The following MDFIC variants were observed in gnomAD, a reference collection of about 807,000 sequenced individuals.
MDFIC encodes MyoD family inhibitor domain containing, also known as myoD family inhibitor domain-containing protein.
Under a neutral mutation model 23.2 loss-of-function variants are expected in MDFIC, and 17 were observed. The observed-to-expected ratio is 0.73, with a 90% CI of 0.50 to 1.10. MDFIC has a LOEUF of 1.10. Among genes scored for constraint, MDFIC ranks in the 50% least tolerant of loss-of-function variants. The pLI is 0.00. For synonymous variants in MDFIC, 120 were observed against 115.2 expected (o/e 1.04, Z -0.27); for missense variants, 356 against 316.6 (o/e 1.12, Z -0.95).
rs1563141825 is a variant in MDFIC at position 114,956,376 on chromosome 7, CACACATATATAT to C, written c.217+13985_217+13996del. 7.2e-5 allele frequency among the ~76,000 whole-genome samples: 11 copies of C among 151,734 alleles called. No homozygotes were observed. In the South Asian group the frequency reaches 1.7e-3, roughly 23 times the overall value. On this transcript the variant is annotated intron_variant, in intron 3 of 4. Coordinates refer to ENST00000393486, the MANE Select transcript of MDFIC (RefSeq NM_001166345.3). ...ACACACACATATATATATATACACA[CACACATATATAT>C]ACACACATATATATATATATTTGAC...
chr7:114,931,560 A>G (rs1445192664), intron 2 of MDFIC, among the ~76,000 whole-genome samples: 1 of 152,210 alleles, frequency 6.6e-6, no homozygotes, highest in Non-Finnish European at 1.5e-5. Context: ...TCTCAACAGG[A>G]TGAGAAAGGA....
chr7:114,929,528 T>C (rs181776276), intron 2 of MDFIC, among the ~76,000 whole-genome samples: 13 of 152,308 alleles, frequency 8.5e-5, no homozygotes, highest in African/African-American at 9.6e-5. Context: ...TAGCCGGTGG[T>C]TGGGTAAAAT....
chr7:114,989,948 A>G (rs1283539092), intron 4 of MDFIC, among the ~76,000 whole-genome samples: 1 of 152,176 alleles, frequency 6.6e-6, no homozygotes, highest in Non-Finnish European at 1.5e-5. Flanking sequence ...TTTTATGTTC[A>G]TAAGGCCCTT....
intron 3 of MDFIC, among the ~76,000 whole-genome samples, chr7:114,978,601 G>T (rs898710680): frequency 6.6e-6 from 1 of 151,882 alleles, no homozygotes; most frequent in South Asian, 2.1e-4. Context: ...GCTTACAGGA[G>T]CATTGTTGAT....
intron 4 of MDFIC, chr7:114,980,180 A>G (rs1443558590): frequency 5.1e-5 from 12 of 236,370 alleles, no homozygotes; most frequent in East Asian, 2.3e-4. Context: ...TTTGTCTTGC[A>G]AATCGGTTCT....
chr7:114,923,065 G>A lies in MDFIC; in HGVS notation c.32G>A (p.Gly11Glu), dbSNP rs1325604153. The A allele has an allele frequency of 7.2e-7, 1 of 1,397,512 alleles. No individual in the cohort carries two copies. Among genetic ancestry groups the A allele is most frequent in the Admixed American group, 3.4e-5 (1 of 29,368 alleles). 86.6% of individuals were successfully genotyped at this position (1,397,512 alleles called of 1,614,324 possible). MSGAGEALAP[G>E]PVGPQRVAEA... ...GGCGCGGGCGAAGCCCTCGCTCCCG[G>A]GCCCGTGGGGCCGCAGCGCGTGGCC... The change falls in exon 2 of 5, where the codon GGG becomes GAG. Residue 11 changes from glycine to glutamate, a missense_variant. Gly to Glu is a moderately conservative substitution (Grantham distance 98). Transcript: ENST00000393486.
Position 115,017,355 on chromosome 7 carries a change from A to G in MDFIC, c.*1420A>G, listed in dbSNP as rs1791815159. On this transcript the variant is annotated 3_prime_UTR_variant, in exon 5 of 5. Transcript: ENST00000393486. ...ATTTCATTTAAATTAGGAAATTTTT[A>G]ATATTAAAATCCCAGTGTTCTGAGT... 1 of 152,138 alleles carries G rather than the reference A, an allele frequency of 6.6e-6. No homozygotes were observed. Among genetic ancestry groups the G allele is most frequent in the African/African-American group, 2.4e-5 (1 of 41,444 alleles). The allele number at this position is 152,138 out of a possible 1,614,324, so 9.4% of individuals were successfully genotyped here. A position where few individuals can be genotyped will look rare whatever the true frequency, so the allele number is the denominator to read the frequency against.
At chr7:115,006,733 C>A (rs942841381) in intron 4 of MDFIC, among the ~76,000 whole-genome samples, 17 of 152,196 alleles carry the variant, frequency 1.1e-4, no homozygotes, top group African/African-American at 4.1e-4. Flanking sequence ...TATTTTTGTC[C>A]TAGCCATAAA....
intron 4 of MDFIC, among the ~76,000 whole-genome samples, chr7:114,991,448 T>G (rs549850930): frequency 1.1e-3 from 165 of 152,208 alleles, no homozygotes; most frequent in African/African-American, 3.7e-3. Context: ...GAATGGTATT[T>G]CCTAGGTTTT....
At chr7:114,947,881 C>A (rs940613177) in intron 3 of MDFIC, among the ~76,000 whole-genome samples, 1 of 152,156 alleles carries the variant, frequency 6.6e-6, no homozygotes, top group Non-Finnish European at 1.5e-5. Context: ...AGTAAGCACA[C>A]ACTGAATTTA....
chr7:114,952,628 T>G (rs1792799638), intron 3 of MDFIC, among the ~76,000 whole-genome samples: 1 of 152,192 alleles, frequency 6.6e-6, no homozygotes, highest in South Asian at 2.1e-4. Flanking sequence ...GAGAAATTTG[T>G]TCTGCTTTGG....
At chr7:115,000,726 A>T (rs554545192) in intron 4 of MDFIC, among the ~76,000 whole-genome samples, 1 of 152,188 alleles carries the variant, frequency 6.6e-6, no homozygotes. Context: ...ACTTGTTTTC[A>T]TGTTTGCATT....
At chr7:115,004,465 A>G (rs1043367098) in intron 4 of MDFIC, among the ~76,000 whole-genome samples, 9 of 152,252 alleles carry the variant, frequency 5.9e-5, no homozygotes, top group Non-Finnish European at 1.3e-4. Context: ...AAAGAAAAAA[A>G]GGACAAAAAA....
chr7:114,955,436 G>A (rs535781363), intron 3 of MDFIC, among the ~76,000 whole-genome samples: 8 of 152,072 alleles, frequency 5.3e-5, no homozygotes, highest in Non-Finnish European at 1.0e-4. Context: ...ATCTGGGACT[G>A]GGAGTGTTTA....
chr7:114,972,264 A>G (rs530436077), intron 3 of MDFIC, among the ~76,000 whole-genome samples: 7 of 152,212 alleles, frequency 4.6e-5, no homozygotes, highest in African/African-American at 1.7e-4. Context: ...ATTTTTGCCA[A>G]TATCTTGTTT....
At chr7:114,945,094 G>T (rs965244299) in intron 3 of MDFIC, among the ~76,000 whole-genome samples, 7 of 152,230 alleles carry the variant, frequency 4.6e-5, no homozygotes, top group African/African-American at 1.7e-4. Context: ...AGACGCGGTC[G>T]AATGTGACTT....
At position 114,979,646 on chromosome 7, in the gene MDFIC, A is replaced by C. The variant is rs1420809928; in HGVS notation, c.358A>C (p.Asn120His). The C allele has an allele frequency of 6.2e-7, 1 of 1,614,110 alleles. No homozygotes were observed. The highest frequency in any genetic ancestry group is 8.5e-7 in the Non-Finnish European group (1 of 1,179,994). ...HHGAKHGSAD[N>H]RKLSAPVSQK... ...CGGGGCCAAACACGGATCCGCAGAT[A>C]ATCGCAAACTTTCAGCACCTGTTTC... is the stretch of plus-strand genomic sequence containing the variant. Residue 120 changes from asparagine (N) to histidine (H), a missense_variant, in exon 4 of 5, where the codon AAT (asparagine) becomes CAT (histidine). Coordinates refer to ENST00000393486, the MANE Select transcript of MDFIC (RefSeq NM_001166345.3).
At chr7:114,953,253 T>C (rs544486490) in intron 3 of MDFIC, among the ~76,000 whole-genome samples, 2 of 152,356 alleles carry the variant, frequency 1.3e-5, no homozygotes, top group African/African-American at 2.4e-5. Flanking sequence ...TTTTTTGATT[T>C]CTAAATAAAA....
chr7:114,923,359 G>T, intron 2 of MDFIC: 1 of 1,304,066 alleles, frequency 7.7e-7, no homozygotes, highest in Non-Finnish European at 1.1e-6. Context: ...CCCTTCCTTT[G>T]GTTGCGAAGA....
Sources: gnomAD v4.1 joint callset for allele counts (sites outside exome capture counted in the v4.1 genomes callset) on GRCh38, gnomAD v4.1.1 for gene constraint, MANE v1.5 for transcripts, NCBI Gene and HGNC (gene_info 2026-07-23, HGNC 2026-07-21) for gene names.